Variants in CEACAM16 observed in about 807,000 individuals in gnomAD.
The protein encoded by CEACAM16 is CEA cell adhesion molecule 16, tectorial membrane component.
Under a neutral mutation model 39.4 loss-of-function variants are expected in CEACAM16, and 30 were observed. The ratio of observed to expected loss-of-function variants is 0.76; its 90% CI spans 0.57 to 1.03. The LOEUF (loss-of-function observed/expected upper bound fraction) is 1.03. Among genes scored for constraint, CEACAM16 ranks in the 50% least tolerant of loss-of-function variants. CEACAM16 has a pLI of 0.00. For missense variants in CEACAM16, 521 were observed against 585.3 expected (o/e 0.89, Z 1.13); for synonymous variants, 262 against 264.9 (o/e 0.99, Z 0.11).
rs201786853 is a variant in CEACAM16 at position 44,703,419 on chromosome 19, C to T, written c.108C>T (p.Asn36=). ...LEPAQPSEGD[N]VTLVVHGLSG... ...CTGCCCAGCCGAGCGAAGGGGACAA[C>T]GTCACGCTGGTCGTCCATGGGCTTT... The change falls in exon 3 of 7, where the codon AAC becomes AAT. Residue 36 remains asparagine (N), a synonymous_variant. Transcript: ENST00000587331. The T allele has an allele frequency of 5.3e-5, 85 of 1,613,722 alleles. No individual in the cohort carries two copies. The highest frequency in any genetic ancestry group is 7.7e-5 in the South Asian group (7 of 91,084).
At chr19:44,703,262 A>C (rs2965167) in intron 2 of CEACAM16, 87 bp from the exon 3 acceptor site, 1 of 1,236,028 alleles carries the variant, frequency 8.1e-7, no homozygotes, top group African/African-American at 1.5e-5. Flanking sequence ...GGCTGGGGAC[A>C]TGCCCCGAGC....
Position 44,702,776 on chromosome 19 carries a change from G to A in CEACAM16, c.38-573G>A, listed in dbSNP as rs1974369035. 2.0e-5 allele frequency among the ~76,000 whole-genome samples: 3 copies of A among 152,274 alleles called. No homozygotes were observed. The South Asian group carries it at 6.2e-4, about 31-fold the overall frequency. The stretch of plus-strand genomic sequence containing the variant: ...TACAATTAGCTGGGCTGGATACGCA[G>A]CCGGATCTCGCGAGACTTAGTTTGG... On this transcript the variant is annotated intron_variant, in intron 2 of 6. Transcript: ENST00000587331.
Position 44,701,282 on chromosome 19 carries a change from C to A in CEACAM16, c.-96-79C>A, listed in dbSNP as rs1167864306. 1.3e-6 allele frequency: 1 copy of A among 751,290 alleles called. No homozygotes were observed. Among genetic ancestry groups the A allele is most frequent in the Non-Finnish European group, 2.3e-6 (1 of 439,938 alleles). 46.5% of individuals were successfully genotyped at this position (751,290 alleles called of 1,614,324 possible). On this transcript the variant is annotated intron_variant, in intron 1 of 6. Transcript: ENST00000587331. The surrounding 1 kb of genome is among the most constrained non-coding windows in gnomAD (Gnocchi z 4.0). ...GCCACACCCACCCTGGTACCCAAACCGGGCCCCAGATCCTTGGTGACTCGA... is the reference window on the plus strand; with the variant it reads ...GCCACACCCACCCTGGTACCCAAACAGGGCCCCAGATCCTTGGTGACTCGA...
At chr19:44,699,380 T>G in intron 1 of CEACAM16, 120 bp downstream of exon 1, 1 of 493,120 alleles carries the variant, frequency 2.0e-6, no homozygotes, top group Non-Finnish European at 4.2e-6. Context: ...GTCCATAAAT[T>G]GCCCAGGGTC....
rs920953711 is a variant in CEACAM16 at position 44,707,993 on chromosome 19, C to G, written c.1073C>G (p.Pro358Arg). 1.6e-5 allele frequency: 25 copies of G among 1,608,518 alleles called. No individual in the cohort carries two copies. Among genetic ancestry groups the G allele is most frequent in the Non-Finnish European group, 2.1e-5 (25 of 1,178,000 alleles). ...YAWYRGPASE[P>R]NRLLSQLPSG... ...TGGTACCGCGGGCCTGCCTCCGAGC[C>G]CAACCGGCTGCTCAGCCAGCTGCCG... The change falls in exon 6 of 7, where the codon CCC becomes CGC. Residue 358 changes from proline (P) to arginine (R), a missense_variant. By Grantham distance (103) the Pro-to-Arg change is moderately radical (BLOSUM62 -2). Transcript: ENST00000587331.
At chr19:44,702,077 G>C (rs1305257015) in intron 2 of CEACAM16, among the ~76,000 whole-genome samples, 6 of 152,136 alleles carry the variant, frequency 3.9e-5, no homozygotes, top group Non-Finnish European at 7.4e-5. Context: ...CGGATCACCT[G>C]AGGTCAGGAG....
At chr19:44,707,019 C>T (rs1409664070) in intron 5 of CEACAM16, among the ~76,000 whole-genome samples, 1 of 152,222 alleles carries the variant, frequency 6.6e-6, no homozygotes, top group Non-Finnish European at 1.5e-5. Context: ...ATGCCTCATC[C>T]TTCATGTCAG....
Position 44,702,419 on chromosome 19 carries a change from G to T in CEACAM16, c.37+926G>T, listed in dbSNP as rs925347871. On this transcript the variant is annotated intron_variant, in intron 2 of 6. Coordinates refer to ENST00000587331, the MANE Select transcript of CEACAM16 (RefSeq NM_001039213.4). ...CTGTCACACGGCCAGAGAGTGGCAG[G>T]ACTGAGGGCTAGACCCAGAGACCCT... Among the ~76,000 whole-genome samples the T allele has an allele frequency of 3.9e-5, 6 of 152,344 alleles. 1 individual carries two copies. The highest frequency in any genetic ancestry group is 1.4e-4 in the African/African-American group (6 of 41,586).
intron 2 of CEACAM16, 46 bp from the exon 3 acceptor site, chr19:44,703,303 T>C: frequency 6.5e-7 from 1 of 1,535,018 alleles, no homozygotes; most frequent in Non-Finnish European, 8.9e-7. Context: ...AATGGGGCGA[T>C]TGATCAAACC....
Position 44,705,722 on chromosome 19 carries a change from C to T in CEACAM16, c.794C>T (p.Thr265Ile). Residue 265 changes from threonine (T) to isoleucine (I), a missense_variant, in exon 5 of 7, where the codon ACC (threonine) becomes ATC (isoleucine). By Grantham distance (89) the Thr-to-Ile change is moderately conservative. Coordinates refer to ENST00000587331, the MANE Select transcript of CEACAM16 (RefSeq NM_001039213.4). ...TGCCCAGAGCCCGAGTATGTGTGGA[C>T]CTTCAACGGGCAGGCCCTAAAGAAC... ...RSCPEPEYVW[T>I]FNGQALKNGQ... 3 of 1,613,990 alleles carry T rather than the reference C, an allele frequency of 1.9e-6. No individual in the cohort carries two copies. Among genetic ancestry groups the T allele is most frequent in the Non-Finnish European group, 1.7e-6 (2 of 1,179,878 alleles).
Position 44,704,057 on chromosome 19 carries a change from C to A in CEACAM16, c.422C>A (p.Ala141Glu). The change falls in exon 4 of 7, where the codon GCG (alanine) becomes GAG (glutamate). Residue 141 changes from alanine to glutamate, a missense_variant. Physicochemically the swap from Ala to Glu is moderately radical, Grantham distance 107 (BLOSUM62 -1). Transcript: ENST00000587331. Reference protein sequence around the residue: ...AQPTVLANSTALVERRDTLRL... With the variant: ...AQPTVLANSTELVERRDTLRL... ...CCCACAGTCTTGGCCAACAGCACAG[C>A]GCTGGTGGAACGTCGAGACACCCTG... 1.9e-6 allele frequency: 3 copies of A among 1,610,390 alleles called. No individual in the cohort carries two copies. The highest frequency in any genetic ancestry group is 2.5e-6 in the Non-Finnish European group (3 of 1,179,042).
Position 44,703,599 on chromosome 19 carries a change from G to T in CEACAM16, c.288G>T (p.Gln96His). The T allele has an allele frequency of 6.2e-7, 1 of 1,609,098 alleles. No individual in the cohort carries two copies. Among genetic ancestry groups the T allele is most frequent in the Non-Finnish European group, 8.5e-7 (1 of 1,178,186 alleles). Residue 96 changes from glutamine (Q) to histidine (H), a missense_variant, in exon 3 of 7, where the codon CAG (glutamine) becomes CAT (histidine). Coordinates refer to ENST00000587331, the MANE Select transcript of CEACAM16 (RefSeq NM_001039213.4). ...GCCCCGATGGCAGCCTGGACATCCA[G>T]GGCATCCTGCCCCGGCACTCAGGCA... Reference protein sequence around the residue: ...AVRPDGSLDIQGILPRHSGTY... With the variant: ...AVRPDGSLDIHGILPRHSGTY...
chr19:44,705,485 C>G, intron 4 of CEACAM16, 105 bp from the exon 5 acceptor site: 2 of 1,258,282 alleles, frequency 1.6e-6, no homozygotes, highest in Non-Finnish European at 2.2e-6. Context: ...TCCACTAGGC[C>G]AAGATATTCC....
chr19:44,706,789 G>T (rs1281666045), intron 5 of CEACAM16, among the ~76,000 whole-genome samples: 1 of 152,218 alleles, frequency 6.6e-6, no homozygotes, highest in East Asian at 1.9e-4. Flanking sequence ...GCAGGTATGT[G>T]CAGGGAGTGG....
At chr19:44,704,978 C>T (rs545970045) in intron 4 of CEACAM16, among the ~76,000 whole-genome samples, 35 of 152,260 alleles carry the variant, frequency 2.3e-4, no homozygotes, top group African/African-American at 6.7e-4. Flanking sequence ...TTCCCAGGAG[C>T]AGCAGATGTG....
intron 5 of CEACAM16, 120 bp downstream of exon 5, chr19:44,705,988 T>A (rs1489844373): frequency 1.6e-6 from 2 of 1,224,754 alleles, no homozygotes; most frequent in African/African-American, 1.5e-5. Flanking sequence ...AGTTCATTCA[T>A]GAGCTGTGAC....
rs148569194 is a variant in CEACAM16 at position 44,705,450 on chromosome 19, G to A, written c.662-140G>A. ...TCTCAAGATCCTAGAACAAGTTAGA[G>A]TTAAGGCCAGAGCTTTTTTTCCCCT... On this transcript the variant is annotated intron_variant, in intron 4 of 6. Coordinates refer to ENST00000587331, the MANE Select transcript of CEACAM16 (RefSeq NM_001039213.4). The A allele has an allele frequency of 1.7e-3, 1,347 of 774,520 alleles. 20 individuals are homozygous for A. The African/African-American group carries it at 0.02, about 11-fold the overall frequency. 48.0% of individuals were successfully genotyped at this position (774,520 alleles called of 1,614,324 possible). A position where few individuals can be genotyped will look rare whatever the true frequency, so the allele number is the denominator to read the frequency against.
chr19:44,709,599 T>A (rs1419209425), intron 6 of CEACAM16, among the ~76,000 whole-genome samples: 3 of 124,034 alleles, frequency 2.4e-5, no homozygotes, highest in African/African-American at 6.7e-5. Flanking sequence ...AGAGGCATGG[T>A]CCATGTCTCC....
rs1053545972 is a variant in CEACAM16, at chr19:44,701,753, C to A, written c.37+260C>A. 2.6e-5 allele frequency among the ~76,000 whole-genome samples: 4 copies of A among 152,216 alleles called. No individual in the cohort carries two copies. The highest frequency in any genetic ancestry group is 5.9e-5 in the Non-Finnish European group (4 of 68,030). The stretch of plus-strand genomic sequence containing the variant: ...GGCACAAGCCAGGACAAGGGAGCCG[C>A]TGTTGCTCCTTCATTCCTGCAGGTT... On this transcript the variant is annotated intron_variant, in intron 2 of 6. Transcript: ENST00000587331. This position sits in a 1 kb window ranked among gnomAD's most constrained non-coding sequence, Gnocchi z 4.0.
Sources: gnomAD v4.1 joint callset for allele counts (sites outside exome capture counted in the v4.1 genomes callset) on GRCh38, gnomAD v4.1.1 for gene constraint, Gnocchi (gnomAD v3.1) non-coding constraint, MANE v1.5 for transcripts, NCBI Gene and HGNC (gene_info 2026-07-23, HGNC 2026-07-21) for gene names.